Variants in PDE4B observed in about 807,000 individuals in gnomAD.
The protein encoded by PDE4B is 3',5'-cyclic-AMP phosphodiesterase 4B.
A neutral mutation model predicts 82.2 loss-of-function variants in PDE4B; 20 were observed. That is an observed-to-expected ratio of 0.24 (90% CI 0.17 to 0.35). PDE4B has a LOEUF of 0.35. Among genes scored for constraint, PDE4B ranks in the 10% least tolerant of loss-of-function variants. The pLI is 1.00. For missense variants in PDE4B, 655 were observed against 907.2 expected, an observed-to-expected ratio of 0.72 and a Z score of 3.57; for synonymous variants, 320 against 318.9, an observed-to-expected ratio of 1.00 and a Z score of -0.04.
intron 8 of PDE4B, among the ~76,000 whole-genome samples, chr1:66,336,089 C>T (rs567183823): frequency 1.9e-4 from 29 of 152,312 alleles, no homozygotes; most frequent in African/African-American, 6.0e-4. Context: ...AGCCCAACAA[C>T]GGCATAAACA....
chr1:66,251,810 G>T (rs1286456084), intron 4 of PDE4B, among the ~76,000 whole-genome samples: 1 of 152,170 alleles, frequency 6.6e-6, no homozygotes, highest in African/African-American at 2.4e-5. Context: ...TGAGGAAGTG[G>T]TGAAAAACAA....
chr1:66,358,409 T>A (rs1011064873), intron 9 of PDE4B, among the ~76,000 whole-genome samples: 1 of 152,170 alleles, frequency 6.6e-6, no homozygotes, highest in African/African-American at 2.4e-5. Flanking sequence ...GCGTGGCAGC[T>A]CATGCCTGTA....
intron 7 of PDE4B, among the ~76,000 whole-genome samples, chr1:66,285,526 G>T (rs879317902): frequency 3.3e-5 from 5 of 151,796 alleles, no homozygotes; most frequent in Non-Finnish European, 7.4e-5. Flanking sequence ...GTCTCCAACA[G>T]CCATTATTTC....
chr1:66,023,106 G>A (rs1398463446), intron 3 of PDE4B, among the ~76,000 whole-genome samples: 4 of 152,082 alleles, frequency 2.6e-5, no homozygotes, highest in Non-Finnish European at 2.9e-5. Flanking sequence ...GCTCCCAATA[G>A]CCTCTATCTT....
chr1:66,210,368 C>T (rs944979018), intron 3 of PDE4B, among the ~76,000 whole-genome samples: 2 of 151,782 alleles, frequency 1.3e-5, no homozygotes, highest in Non-Finnish European at 2.9e-5. Flanking sequence ...GAGGTCAAGC[C>T]GGGCAGATCA....
chr1:66,370,943 AG>A (rs2050734781), intron 16 of PDE4B, among the ~76,000 whole-genome samples: 1 of 151,570 alleles, frequency 6.6e-6, no homozygotes, highest in African/African-American at 2.4e-5. Context: ...TAACCAGTAT[AG>A]ATCAGAGATT....
At chr1:66,161,363 T>TC (rs1392245645) in intron 3 of PDE4B, among the ~76,000 whole-genome samples, 6 of 152,122 alleles carry the variant, frequency 3.9e-5, no homozygotes, top group Non-Finnish European at 8.8e-5. Context: ...TAAGAAATTG[T>TC]CCCCTTTGTC....
At chr1:66,325,117 T>C (rs1015736689) in intron 7 of PDE4B, among the ~76,000 whole-genome samples, 2 of 152,158 alleles carry the variant, frequency 1.3e-5, no homozygotes, top group African/African-American at 4.8e-5. Flanking sequence ...TATTGCACTA[T>C]GGGAAGGAAC....
At chr1:66,293,123 C>G (rs368712275) in intron 7 of PDE4B, among the ~76,000 whole-genome samples, 3 of 152,132 alleles carry the variant, frequency 2.0e-5, no homozygotes, top group Non-Finnish European at 1.5e-5. Flanking sequence ...ACTAAAGCAT[C>G]ACAAAATGAC....
intron 9 of PDE4B, among the ~76,000 whole-genome samples, chr1:66,356,836 C>T (rs948412384): frequency 6.6e-6 from 1 of 152,194 alleles, no homozygotes; most frequent in African/African-American, 2.4e-5. Context: ...GTCTGCAGCA[C>T]TTGATTTTCT....
chr1:66,157,363 G>A (rs1046220452), intron 3 of PDE4B, among the ~76,000 whole-genome samples: 3 of 152,152 alleles, frequency 2.0e-5, no homozygotes, highest in Non-Finnish European at 4.4e-5. Context: ...TCCTTTTGCA[G>A]TGCAGCCAAA....
chr1:66,033,031 T>G (rs1392589355), intron 3 of PDE4B, among the ~76,000 whole-genome samples: 1 of 152,196 alleles, frequency 6.6e-6, no homozygotes, highest in Non-Finnish European at 1.5e-5. Context: ...TCTTCCTTGC[T>G]TCTATTTGGT....
At chr1:66,000,171 C>A (rs1249212857) in intron 3 of PDE4B, among the ~76,000 whole-genome samples, 2 of 152,150 alleles carry the variant, frequency 1.3e-5, no homozygotes, top group African/African-American at 4.8e-5. Flanking sequence ...CTTCATTCAT[C>A]AAGTAGCATG....
chr1:65,800,572 G>T (rs1312953033), intron 1 of PDE4B, among the ~76,000 whole-genome samples: 1 of 152,176 alleles, frequency 6.6e-6, no homozygotes, highest in African/African-American at 2.4e-5. Flanking sequence ...AATAAGGCCA[G>T]CTTATGATAA....
Position 66,368,963 on chromosome 1 carries a change from A to G in PDE4B, c.1839A>G (p.Lys613=), listed in dbSNP as rs774857848. ...MCDKHTASVE[K]SQVGFIDYIV... ...ATAAACACACAGCTTCTGTGGAAAA[A>G]TCCCAGGTATCTAATATGAGATTTT... Residue 613 remains lysine, a synonymous_variant, in exon 16 of 17, where the codon AAA becomes AAG. Coordinates refer to ENST00000341517, the MANE Select transcript of PDE4B (RefSeq NM_002600.4). The G allele has an allele frequency of 1.2e-6, 2 of 1,601,380 alleles. No homozygotes were observed. The highest frequency in any genetic ancestry group is 1.7e-6 in the Non-Finnish European group (2 of 1,172,656).
At chr1:66,008,845 T>G (rs1652303535) in intron 3 of PDE4B, among the ~76,000 whole-genome samples, 2 of 152,082 alleles carry the variant, frequency 1.3e-5, no homozygotes, top group African/African-American at 4.8e-5. Flanking sequence ...CTCGGTTGGT[T>G]CCTCCTCATG....
At chr1:66,200,670 T>C (rs999061484) in intron 3 of PDE4B, among the ~76,000 whole-genome samples, 2 of 152,212 alleles carry the variant, frequency 1.3e-5, no homozygotes, top group African/African-American at 4.8e-5. Context: ...TGTATAAGAA[T>C]GCTTGTGATT....
intron 3 of PDE4B, among the ~76,000 whole-genome samples, chr1:65,945,517 A>G (rs1648663640): frequency 1.3e-5 from 2 of 151,992 alleles, no homozygotes; most frequent in East Asian, 1.9e-4. Flanking sequence ...TCCTTATGGA[A>G]TCAACTTGCC....
chr1:65,807,575 T>C (rs1468159956), intron 1 of PDE4B, among the ~76,000 whole-genome samples: 1 of 152,248 alleles, frequency 6.6e-6, no homozygotes, highest in Admixed American at 6.5e-5. Context: ...ATGTATGGTT[T>C]CACCAACTGT....
Sources: allele counts gnomAD v4.1 joint callset (sites outside exome capture counted in the v4.1 genomes callset), GRCh38; gene constraint gnomAD v4.1.1; transcripts MANE v1.5; gene names NCBI Gene and HGNC (gene_info 2026-07-23, HGNC 2026-07-21).